The following DOT1L variants were observed in gnomAD, a reference collection of about 807,000 sequenced individuals.
DOT1L encodes histone-lysine N-methyltransferase, H3 lysine-79 specific.
DOT1L carries 33 observed loss-of-function variants against 153.3 expected under a neutral mutation model. The ratio of observed to expected loss-of-function variants is 0.22; its 90% CI spans 0.16 to 0.29. The LOEUF is 0.29. Among genes scored for constraint, DOT1L ranks in the 10% least tolerant of loss-of-function variants. DOT1L has a pLI of 1.00. For missense variants in DOT1L, 1,847 were observed against 2,119.9 expected (o/e 0.87, Z 2.53); for synonymous variants, 1,135 against 965.1 (o/e 1.18, Z -3.26).
At chr19:2,177,498 AT>A (rs1196268846) in intron 1 of DOT1L, among the ~76,000 whole-genome samples, 2 of 152,072 alleles carry the variant, frequency 1.3e-5, no homozygotes, top group Non-Finnish European at 2.9e-5. Context: ...CAATTTTTAT[AT>A]TATTAGTGGT....
intron 19 of DOT1L, chr19:2,215,956 C>T (rs1206554224): frequency 7.6e-6 from 2 of 263,856 alleles, no homozygotes; most frequent in Non-Finnish European, 1.4e-5. Flanking sequence ...TGGCGTGTCC[C>T]TCCACAGGTT....
intron 3 of DOT1L, chr19:2,188,245 C>T (rs2022626730): frequency 6.6e-6 from 1 of 152,110 alleles, no homozygotes; most frequent in African/African-American, 2.4e-5. Context: ...ACTGGTTTTC[C>T]TATGAGGAAG....
At chr19:2,164,671 CCTCTT>C (rs1327287603) in intron 1 of DOT1L, among the ~76,000 whole-genome samples, 1 of 149,042 alleles carries the variant, frequency 6.7e-6, no homozygotes, top group Non-Finnish European at 1.5e-5. Context: ...TTTCCTGTCT[CCTCTT>C]CTCTTCTTTT....
In DOT1L at chr19:2,226,959, T is replaced by G; in HGVS notation, c.4438T>G (p.Ser1480Ala). The change falls in exon 27 of 28, where the codon TCC becomes GCC. Residue 1480 changes from serine to alanine, a missense_variant. By Grantham distance (99) the Ser-to-Ala change is moderately conservative (BLOSUM62 1). Transcript: ENST00000398665. ...PGPQFALGPMSLQANLGSVAG... is the reference protein window; with the variant it reads ...PGPQFALGPMALQANLGSVAG... ...ACCGCAGTTCGCGCTCGGCCCCATG[T>G]CCCTGCAGGCCAACCTCGGCTCCGT... The G allele has an allele frequency of 6.3e-7, 1 of 1,590,312 alleles. No individual in the cohort carries two copies. Among genetic ancestry groups the G allele is most frequent in the Non-Finnish European group, 8.5e-7 (1 of 1,176,124 alleles).
At position 2,208,722 on chromosome 19, in the gene DOT1L, G is replaced by A. The variant is rs989966884; in HGVS notation, c.964-213G>A. Among the ~76,000 whole-genome samples the A allele has an allele frequency of 4.6e-5, 7 of 152,186 alleles. No homozygotes were observed. The East Asian group carries it at 5.8e-4, about 13-fold the overall frequency. ...TAAACCAGCCCCGCCCACCCGTCGCGTGCTGGTGAATTGAGGGTGACGCCT... is the reference window on the plus strand; with the variant it reads ...TAAACCAGCCCCGCCCACCCGTCGCATGCTGGTGAATTGAGGGTGACGCCT... On this transcript the variant is annotated intron_variant, in intron 11 of 27. Transcript: ENST00000398665. This position sits in a 1 kb window ranked among gnomAD's most constrained non-coding sequence, Gnocchi z 4.4.
chr19:2,178,665 C>T (rs2022077502), intron 1 of DOT1L, among the ~76,000 whole-genome samples: 1 of 152,118 alleles, frequency 6.6e-6, no homozygotes. Flanking sequence ...GATCCACCCG[C>T]CTCAGCTGGC....
At chr19:2,169,879 A>C (rs934027820) in intron 1 of DOT1L, among the ~76,000 whole-genome samples, 4 of 152,242 alleles carry the variant, frequency 2.6e-5, no homozygotes, top group African/African-American at 9.6e-5. Context: ...ACGGTTGCCC[A>C]GGCACGGTGG....
At chr19:2,188,494 C>CCCCG (rs1491479536) in intron 3 of DOT1L, among the ~76,000 whole-genome samples, 25 of 117,630 alleles carry the variant, frequency 2.1e-4, no homozygotes, top group Middle Eastern at 4.2e-3. Context: ...CCCCCCCCCC[C>CCCCG]ACCCGCACAG....
intron 26 of DOT1L, 145 bp downstream of exon 26, chr19:2,225,597 C>G (rs1599622117): frequency 1.1e-6 from 1 of 945,654 alleles, no homozygotes; most frequent in Non-Finnish European, 1.7e-6. Flanking sequence ...TGGTGCTGGC[C>G]TGCTGCGTCG....
rs552529763 is a variant in DOT1L at position 2,207,932 on chromosome 19, G to T, written c.963+252G>T. 1.3e-5 allele frequency among the ~76,000 whole-genome samples: 2 copies of T among 151,990 alleles called. No individual in the cohort carries two copies. The highest frequency in any genetic ancestry group is 2.4e-5 in the African/African-American group (1 of 41,362). ...CTGAGTGCTGTCTCCCCTAGTCTAC[G>T]CTCAGCTCCTGGGGTGGGGCGGGGC... is the stretch of plus-strand genomic sequence containing the variant. On this transcript the variant is annotated intron_variant, in intron 11 of 27. Coordinates refer to ENST00000398665, the MANE Select transcript of DOT1L (RefSeq NM_032482.3). The surrounding 1 kb of genome is among the most constrained non-coding windows in gnomAD (Gnocchi z 4.5).
chr19:2,187,745 A>AC (rs2022584752), intron 3 of DOT1L, among the ~76,000 whole-genome samples: 1 of 151,812 alleles, frequency 6.6e-6, no homozygotes, highest in Admixed American at 6.6e-5. Flanking sequence ...GCACAGTGAA[A>AC]CCCCGTCTCT....
chr19:2,176,858 C>G (rs866942472), intron 1 of DOT1L, among the ~76,000 whole-genome samples: 2 of 152,150 alleles, frequency 1.3e-5, no homozygotes, highest in Non-Finnish European at 1.5e-5. Context: ...ACTTCTGGGA[C>G]CACAGCAGGC....
intron 1 of DOT1L, among the ~76,000 whole-genome samples, chr19:2,170,869 G>T (rs12983357): frequency 2.0e-5 from 3 of 151,852 alleles, no homozygotes; most frequent in African/African-American, 2.4e-5. Context: ...GGAGTCTCCC[G>T]GAACGTGTGT....
chr19:2,220,208 C>T lies in DOT1L; in HGVS notation c.2792C>T (p.Ala931Val), dbSNP rs1019438596. 2 of 1,613,286 alleles carry T rather than the reference C, an allele frequency of 1.2e-6. No homozygotes were observed. Among genetic ancestry groups the T allele is most frequent in the African/African-American group, 1.3e-5 (1 of 75,034 alleles). Reference sequence around the variant, plus strand: ...CACGGTGCTGGGAGCAGAAGCCTTGCCCTGGCCCCCGCAGGTAACGCCCCT... The same window carrying T: ...CACGGTGCTGGGAGCAGAAGCCTTGTCCTGGCCCCCGCAGGTAACGCCCCT... ...NAHGAGSRSLALAPAGFSYAG... is the reference protein window; with the variant it reads ...NAHGAGSRSLVLAPAGFSYAG... The change falls in exon 23 of 28, where the codon GCC (alanine) becomes GTC (valine). Residue 931 changes from alanine to valine, a missense_variant. Around this residue, in one of 8 missense-constraint regions of DOT1L, gnomAD observed 68 missense variants for 80.7 expected, o/e 0.84. Coordinates refer to ENST00000398665, the MANE Select transcript of DOT1L (RefSeq NM_032482.3). The surrounding 1 kb of genome is among the most constrained non-coding windows in gnomAD (Gnocchi z 4.5).
chr19:2,180,451 C>G (rs1333859952), intron 1 of DOT1L, among the ~76,000 whole-genome samples: 5 of 152,158 alleles, frequency 3.3e-5, no homozygotes, highest in African/African-American at 4.8e-5. Context: ...GGGCCATAGA[C>G]TCCATCCCAG....
At chr19:2,183,642 T>C (rs1378557641) in intron 2 of DOT1L, among the ~76,000 whole-genome samples, 3 of 152,000 alleles carry the variant, frequency 2.0e-5, no homozygotes, top group Non-Finnish European at 4.4e-5. Flanking sequence ...TTTTTTTTTT[T>C]TTAAGGCGGA....
In DOT1L at chr19:2,227,063, C is replaced by A; in HGVS notation, c.4542C>A (p.Ala1514=). The A allele has an allele frequency of 6.4e-7, 1 of 1,572,770 alleles. No individual in the cohort carries two copies. Among genetic ancestry groups the A allele is most frequent in the Non-Finnish European group, 8.6e-7 (1 of 1,164,444 alleles). The change falls in exon 27 of 28, where the codon GCC becomes GCA. Residue 1514 remains alanine, a synonymous_variant. Coordinates refer to ENST00000398665, the MANE Select transcript of DOT1L (RefSeq NM_032482.3). ...GCCTGGTGCACGTGTCGTCCGCTGC[C>A]ACCAGACTGACCAACTCGCACGCCA... is the stretch of plus-strand genomic sequence containing the variant. ...AAGLVHVSSA[A]TRLTNSHAMG...
chr19:2,229,102 G>T (rs1275452209), intron 27 of DOT1L: 2 of 985,356 alleles, frequency 2.0e-6, no homozygotes. Context: ...AGCTGGGCAG[G>T]TTAGTGTAGA....
rs765029894 is a variant in DOT1L at position 2,216,286 on chromosome 19, C to T, written c.1929C>T (p.Ser643=). The T allele has an allele frequency of 1.3e-6, 2 of 1,575,652 alleles. No homozygotes were observed. Among genetic ancestry groups the T allele is most frequent in the South Asian group, 1.2e-5 (1 of 86,104 alleles). ...KQRHCLELQI[S]IVELEKSQRQ... ...CACCATCTCTCCTCCTGCAGATCAG[C>T]ATTGTGGAGCTAGAGAAGAGCCAGC... The change falls in exon 20 of 28, where the codon AGC becomes AGT. Residue 643 remains serine (S), a synonymous_variant. Coordinates refer to ENST00000398665, the MANE Select transcript of DOT1L (RefSeq NM_032482.3).
Sources: gnomAD v4.1 joint callset for allele counts (sites outside exome capture counted in the v4.1 genomes callset) on GRCh38, gnomAD v4.1.1 for gene constraint, gnomAD v4.1.1 regional missense constraint, Gnocchi (gnomAD v3.1) non-coding constraint, MANE v1.5 for transcripts, NCBI Gene and HGNC (gene_info 2026-07-23, HGNC 2026-07-21) for gene names.